The following ANK1 variants were observed in gnomAD, a reference collection of about 807,000 sequenced individuals.
ANK1 encodes ankyrin-1.
In ANK1, 51 loss-of-function variants were observed where a neutral mutation model predicts 210.4. The ratio of observed to expected loss-of-function variants is 0.24; its 90% confidence interval spans 0.19 to 0.31. The LOEUF (loss-of-function observed/expected upper bound fraction) is 0.31. Among genes scored for constraint, ANK1 ranks in the 10% least tolerant of loss-of-function variants. The probability of loss-of-function intolerance (pLI) is 1.00; values close to 1 mark genes in which losing one functional copy is unlikely to be tolerated. For missense variants in ANK1, 2,051 were observed against 2,504.4 expected, an observed-to-expected ratio of 0.82 and a Z score of 3.86; for synonymous variants, 967 against 1,025.9, an observed-to-expected ratio of 0.94 and a Z score of 1.10.
chr8:41,831,685 GAAAGA>G (rs2150798020), intron 1 of ANK1, among the ~76,000 whole-genome samples: 1 of 151,218 alleles, frequency 6.6e-6, no homozygotes, highest in South Asian at 2.1e-4. Context: ...GGAATGAAAG[GAAAGA>G]AAAGGAAGGA....
intron 1 of ANK1, among the ~76,000 whole-genome samples, chr8:41,804,363 C>T (rs1464682325): frequency 6.6e-6 from 1 of 152,206 alleles, no homozygotes; most frequent in Non-Finnish European, 1.5e-5. Context: ...ATCACTTCTG[C>T]CACATTCTAT....
rs550656024 is a variant in ANK1 at position 41,868,377 on chromosome 8, T to C, written c.126+27978A>G. Among the ~76,000 whole-genome samples the C allele has an allele frequency of 8.5e-5, 13 of 152,328 alleles. No individual in the cohort carries two copies. The East Asian group carries it at 2.5e-3, about 29-fold the overall frequency. On this transcript the variant is annotated intron_variant, in intron 1 of 42. Coordinates refer to the ANK1 transcript ENST00000265709. ...TTACATGTTTCTAGAGTTTGCCAAA[T>C]GTCCCCTGGGGCGGTGGGGAAGGGC...
At chr8:41,699,323 C>T in intron 23 of ANK1, 129 bp downstream of exon 23, 2 of 878,726 alleles carry the variant, frequency 2.3e-6, no homozygotes, top group Non-Finnish European at 3.8e-6. Flanking sequence ...AAGGTGCAAA[C>T]CGTCTCTCTC....
intron 2 of ANK1, 84 bp downstream of exon 2, chr8:41,757,928 TGAGGCCACTGAGAAAAGGTTAATA>T: frequency 9.6e-7 from 1 of 1,039,920 alleles, no homozygotes; most frequent in Non-Finnish European, 1.5e-6. Flanking sequence ...GGGGGAGTTT[TGAGGCCACTGAGAAAAGGTTAATA>T]GAGGCAGTTT....
Position 41,696,893 on chromosome 8 carries a change from T to C in ANK1, c.2638-120A>G, listed in dbSNP as rs932557285. ...GAAACCAGGTGCCACGTGGAGAAAG[T>C]GCTCCCACGGGACCCCACCGCCCTG... On this transcript the variant is annotated intron_variant, in intron 24 of 42. Coordinates refer to ENST00000289734, the MANE Select transcript of ANK1 (RefSeq NM_000037.4). The C allele has an allele frequency of 9.3e-6, 9 of 972,246 alleles. No homozygotes were observed. In the African/African-American group the frequency reaches 1.3e-4, roughly 14 times the overall value. 60.2% of individuals were successfully genotyped at this position (972,246 alleles called of 1,614,324 possible).
chr8:41,830,880 C>G (rs1409239122), intron 1 of ANK1, among the ~76,000 whole-genome samples: 1 of 152,130 alleles, frequency 6.6e-6, no homozygotes, highest in Non-Finnish European at 1.5e-5. Context: ...ACTGTCATAA[C>G]CTTTGAAGAT....
chr8:41,789,198 T>G (rs1440347044), intron 1 of ANK1: 5 of 152,262 alleles, frequency 3.3e-5, no homozygotes, highest in Admixed American at 3.3e-4. Flanking sequence ...TATTCCATAC[T>G]TTCTGTTGGC....
At chr8:41,657,803 A>G (rs1243063463) in intron 42 of ANK1, among the ~76,000 whole-genome samples, 1 of 152,268 alleles carries the variant, frequency 6.6e-6, no homozygotes, top group Non-Finnish European at 1.5e-5. Flanking sequence ...CACTCTGCCC[A>G]GGACTCCTGC....
intron 1 of ANK1, among the ~76,000 whole-genome samples, chr8:41,884,334 T>C (rs1818087587): frequency 6.6e-6 from 1 of 151,902 alleles, no homozygotes; most frequent in Non-Finnish European, 1.5e-5. Flanking sequence ...GGCAACAGAG[T>C]GAGAATCTGT....
intron 1 of ANK1, among the ~76,000 whole-genome samples, chr8:41,886,832 T>A (rs891445344): frequency 1.3e-5 from 2 of 152,198 alleles, no homozygotes; most frequent in Non-Finnish European, 2.9e-5. Context: ...AGGAAGCCAC[T>A]GAAGGACTGA....
intron 2 of ANK1, among the ~76,000 whole-genome samples, chr8:41,737,642 C>G (rs1028759109): frequency 2.0e-5 from 3 of 152,204 alleles, no homozygotes; most frequent in Admixed American, 2.0e-4. Flanking sequence ...AAAATGTTTT[C>G]TCACTTTATT....
intron 39 of ANK1, chr8:41,665,090 TCA>T (rs1433281036): frequency 6.3e-7 from 1 of 1,587,582 alleles, no homozygotes; most frequent in Non-Finnish European, 8.5e-7. Context: ...GGCCTGCCTC[TCA>T]TTCTCCACTG....
intron 22 of ANK1, among the ~76,000 whole-genome samples, chr8:41,700,993 T>A (rs1822607209): frequency 6.6e-6 from 1 of 152,118 alleles, no homozygotes; most frequent in African/African-American, 2.4e-5. Context: ...GGTCTTGAAC[T>A]CCTAGCCTCA....
chr8:41,708,240 T>C (rs1315176287), intron 17 of ANK1, among the ~76,000 whole-genome samples: 3 of 152,208 alleles, frequency 2.0e-5, no homozygotes, highest in Admixed American at 1.3e-4. Context: ...CACATTCCTT[T>C]GAGAAGCTGA....
At position 41,696,441 on chromosome 8, in the gene ANK1, G is replaced by A. The variant is rs750168913; in HGVS notation, c.2882C>T (p.Thr961Met). ...CTCCTCCTCGGCCAGTGGGGGCGGCGTGCTGAGCTTCTGGGGCTTGACCAG... is the reference window on the plus strand; with the variant it reads ...CTCCTCCTCGGCCAGTGGGGGCGGCATGCTGAGCTTCTGGGGCTTGACCAG... ...CRLVKPQKLS[T>M]PPPLAEEEGL... Residue 961 changes from threonine (T) to methionine (M), a missense_variant, in exon 26 of 43, where the codon ACG becomes ATG. Around this residue, in one of 6 missense-constraint regions of ANK1, gnomAD observed 1,413 missense variants for 1,707.4 expected, o/e 0.83. Transcript: ENST00000289734. The A allele has an allele frequency of 9.3e-6, 15 of 1,613,214 alleles. No individual in the cohort carries two copies. The highest frequency in any genetic ancestry group is 2.2e-5 in the East Asian group (1 of 44,880).
chr8:41,696,230 C>A, intron 26 of ANK1, 133 bp downstream of exon 26: 1 of 1,011,328 alleles, frequency 9.9e-7, no homozygotes, highest in Middle Eastern at 3.0e-4. Context: ...GCTATGGACA[C>A]CTTCGTGTGT....
At chr8:41,750,027 C>T (rs1264506484) in intron 2 of ANK1, among the ~76,000 whole-genome samples, 2 of 152,174 alleles carry the variant, frequency 1.3e-5, no homozygotes, top group African/African-American at 4.8e-5. Flanking sequence ...AAATTGAATG[C>T]CGTGAGCTCC....
intron 1 of ANK1, among the ~76,000 whole-genome samples, chr8:41,817,020 G>T (rs557387982): frequency 7.2e-5 from 11 of 152,234 alleles, no homozygotes; most frequent in African/African-American, 2.6e-4. Flanking sequence ...AATGGGACCA[G>T]TGAAGTTTCC....
intron 1 of ANK1, among the ~76,000 whole-genome samples, chr8:41,865,463 C>T (rs1326360915): frequency 6.6e-6 from 1 of 152,100 alleles, no homozygotes; most frequent in East Asian, 1.9e-4. Flanking sequence ...GAATGGCTTC[C>T]TCACACCCAC....
Sources: allele counts gnomAD v4.1 joint callset (sites outside exome capture counted in the v4.1 genomes callset), GRCh38; gene constraint gnomAD v4.1.1; regional missense constraint gnomAD v4.1.1; transcripts MANE v1.5; gene names NCBI Gene and HGNC (gene_info 2026-07-23, HGNC 2026-07-21).